Variants in NR5A1 observed in about 807,000 individuals in gnomAD.
The protein encoded by NR5A1 is nuclear receptor subfamily 5 group A member 1.
A neutral mutation model predicts 42.7 loss-of-function variants in NR5A1; 6 were observed. The ratio of observed to expected loss-of-function variants is 0.14; its 90% CI spans 0.08 to 0.28. The LOEUF is 0.28. NR5A1 is among the 10% of genes least tolerant of loss of function. NR5A1 has a pLI of 1.00. For synonymous variants in NR5A1, 274 were observed against 277.5 expected (o/e 0.99, Z 0.12); for missense variants, 442 against 626.4 (o/e 0.71, Z 3.14).
At position 124,482,937 on chromosome 9, in the gene NR5A1, C is replaced by G. The variant is rs150382425; in HGVS notation, c.1207G>C (p.Asp403His). The change falls in exon 7 of 7, where the codon GAC (aspartate) becomes CAC (histidine). Residue 403 changes from aspartate (D) to histidine (H), a missense_variant. Asp to His is a moderately conservative substitution (Grantham distance 81). Transcript: ENST00000373588. Reference sequence around the variant, plus strand: ...TGCGGGTAGTGGCACAGGGTGTAGTCAAGCAGGGCGGCGTTGGCCTTCTCC... The same window carrying G: ...TGCGGGTAGTGGCACAGGGTGTAGTGAAGCAGGGCGGCGTTGGCCTTCTCC... ...AQEKANAALL[D>H]YTLCHYPHCG... The G allele has an allele frequency of 3.1e-6, 5 of 1,614,072 alleles. No individual in the cohort carries two copies. The highest frequency in any genetic ancestry group is 4.2e-6 in the Non-Finnish European group (5 of 1,180,014).
chr9:124,496,253 C>T lies in NR5A1; in HGVS notation c.871-3104G>A, dbSNP rs1401940951. ...AAAACCACAGGGCCATAGCTGCCAG[C>T]CCCCCTGCATGAGAAAGCAGGTGGC... On this transcript the variant is annotated intron_variant, in intron 4 of 6. Coordinates refer to ENST00000373588, the MANE Select transcript of NR5A1 (RefSeq NM_004959.5). The surrounding 1 kb of genome is among the most constrained non-coding windows in gnomAD (Gnocchi z 5.0). Among the ~76,000 whole-genome samples the T allele has an allele frequency of 2.0e-5, 3 of 151,098 alleles. No individual in the cohort carries two copies. The East Asian group carries it at 5.8e-4, about 29-fold the overall frequency.
chr9:124,495,897 G>A (rs1448908007), intron 4 of NR5A1, among the ~76,000 whole-genome samples: 1 of 152,174 alleles, frequency 6.6e-6, no homozygotes, highest in Non-Finnish European at 1.5e-5. Context: ...TTGGTGCCCC[G>A]TGCCCTGCAT....
chr9:124,506,219 T>A (rs975726685), intron 1 of NR5A1, among the ~76,000 whole-genome samples: 5 of 152,210 alleles, frequency 3.3e-5, no homozygotes, highest in Admixed American at 2.0e-4. Flanking sequence ...CTCGGGCAAG[T>A]CACTTCTCCT....
rs1195900737 is a variant in NR5A1, at chr9:124,500,815, C to T, written c.245-100G>A. The T allele has an allele frequency of 2.0e-4, 315 of 1,568,102 alleles. 1 individual carries two copies. The highest frequency in any genetic ancestry group is 7.9e-5 in the Non-Finnish European group (90 of 1,141,780). On this transcript the variant is annotated intron_variant, in intron 3 of 6. Transcript: ENST00000373588. This position sits in a 1 kb window ranked among gnomAD's most constrained non-coding sequence, Gnocchi z 6.9. ...CAAACAAATCTGACCGCTCTCTCCC[C>T]TGCTCAACACCCTTTCATGGCTCCC...
At chr9:124,490,648 G>C (rs1029139154) in intron 6 of NR5A1, among the ~76,000 whole-genome samples, 2 of 152,142 alleles carry the variant, frequency 1.3e-5, no homozygotes, top group African/African-American at 4.8e-5. Flanking sequence ...GGCTGGGCTT[G>C]GGGGGTTTTT....
chr9:124,500,000 G>T (rs944145948), intron 4 of NR5A1, 90 bp downstream of exon 4: 1 of 1,593,310 alleles, frequency 6.3e-7, no homozygotes, highest in East Asian at 2.2e-5. Context: ...CAGTGGGAAG[G>T]ATGGCCCTAT....
chr9:124,504,607 G>T (rs1042449059), intron 1 of NR5A1, among the ~76,000 whole-genome samples: 1 of 151,868 alleles, frequency 6.6e-6, no homozygotes, highest in Non-Finnish European at 1.5e-5. Flanking sequence ...AAGTCCGGAG[G>T]AGGGAAGCGC....
chr9:124,485,332 G>A (rs1019560924), intron 6 of NR5A1, among the ~76,000 whole-genome samples: 1 of 152,066 alleles, frequency 6.6e-6, no homozygotes, highest in South Asian at 2.1e-4. Flanking sequence ...CTGCGGGGGC[G>A]TCCAGAGGCA....
At chr9:124,505,823 G>T (rs1416326702) in intron 1 of NR5A1, among the ~76,000 whole-genome samples, 1 of 152,208 alleles carries the variant, frequency 6.6e-6, no homozygotes, top group Non-Finnish European at 1.5e-5. Flanking sequence ...GGACAAAGGG[G>T]TTCCCGGGCC....
At chr9:124,491,036 C>CCCCCCCAGGGGGGGG in intron 6 of NR5A1, 45 bp downstream of exon 6, 16 of 1,401,580 alleles carry the variant, frequency 1.1e-5, no homozygotes, top group East Asian at 6.0e-5. Flanking sequence ...CCCACCCACC[C>CCCCCCCAGGGGGGGG]GCCTCTGGCT....
chr9:124,491,348 C>G (rs1002192222), intron 5 of NR5A1, 120 bp from the exon 6 acceptor site: 2 of 770,016 alleles, frequency 2.6e-6, no homozygotes, highest in Non-Finnish European at 4.1e-6. Context: ...GATGGGCTGG[C>G]GTCAGGAGGG....
intron 5 of NR5A1, 22 bp from the exon 6 acceptor site, chr9:124,491,250 CG>C: frequency 6.3e-7 from 1 of 1,580,148 alleles, no homozygotes. Context: ...GGGCACGGGG[CG>C]GGGGACAGTC....
At position 124,482,444 on chromosome 9, in the gene NR5A1, G is replaced by T. The variant is rs903016039; in HGVS notation, c.*314C>A. On this transcript the variant is annotated 3_prime_UTR_variant, in exon 7 of 7. Coordinates refer to ENST00000373588, the MANE Select transcript of NR5A1 (RefSeq NM_004959.5). Reference sequence around the variant, plus strand: ...CCGAACCTCCTCCCCGGACCTGCAGGCTTCAGACTCCAGGAGAGAGAGCTG... The same window carrying T: ...CCGAACCTCCTCCCCGGACCTGCAGTCTTCAGACTCCAGGAGAGAGAGCTG... 2.6e-5 allele frequency: 11 copies of T among 420,170 alleles called. No individual in the cohort carries two copies. The highest frequency in any genetic ancestry group is 6.1e-5 in the African/African-American group (3 of 49,168). The allele number at this position is 420,170 out of a possible 1,614,324, so 26.0% of individuals were successfully genotyped here. A position where few individuals can be genotyped will look rare whatever the true frequency, so the allele number is the denominator to read the frequency against.
intron 4 of NR5A1, among the ~76,000 whole-genome samples, chr9:124,499,765 C>CT (rs1832437895): frequency 6.6e-6 from 1 of 152,252 alleles, no homozygotes; most frequent in East Asian, 1.9e-4. Flanking sequence ...ACCCCAGAGG[C>CT]TGAAGGGGTT....
At chr9:124,485,044 C>T (rs1054625809) in intron 6 of NR5A1, among the ~76,000 whole-genome samples, 6 of 152,152 alleles carry the variant, frequency 3.9e-5, no homozygotes, top group African/African-American at 1.2e-4. Context: ...CTACCTGCCC[C>T]GCCCCGACTT....
chr9:124,489,804 C>T (rs1299722266), intron 6 of NR5A1, among the ~76,000 whole-genome samples: 1 of 147,764 alleles, frequency 6.8e-6, no homozygotes, highest in Admixed American at 6.8e-5. Flanking sequence ...CGGCTGGTGT[C>T]CTGAGAGGTG....
chr9:124,500,678 C>T lies in NR5A1; in HGVS notation c.282G>A (p.Lys94=). Residue 94 remains lysine, a synonymous_variant, in exon 4 of 7, where the codon AAG becomes AAA. Coordinates refer to ENST00000373588, the MANE Select transcript of NR5A1 (RefSeq NM_004959.5). The surrounding 1 kb of genome is among the most constrained non-coding windows in gnomAD (Gnocchi z 6.9). ...GGTCCCGCTTGTACATCGGCCCAAA[C>T]TTGTTCCGGCCACCCCTCATACGGT... ...RADRMRGGRN[K]FGPMYKRDRA... The T allele has an allele frequency of 6.2e-7, 1 of 1,613,316 alleles. No homozygotes were observed. Among genetic ancestry groups the T allele is most frequent in the Non-Finnish European group, 8.5e-7 (1 of 1,180,032 alleles).
intron 6 of NR5A1, 147 bp from the exon 7 acceptor site, chr9:124,483,152 T>A: frequency 1.3e-6 from 2 of 1,559,996 alleles, no homozygotes; most frequent in South Asian, 2.2e-5. Flanking sequence ...CAACATGGTC[T>A]CCCCGTTGGC....
At chr9:124,493,651 C>G (rs1225643065) in intron 4 of NR5A1, among the ~76,000 whole-genome samples, 1 of 152,230 alleles carries the variant, frequency 6.6e-6, no homozygotes, top group African/African-American at 2.4e-5. Context: ...AGGGAGAAAC[C>G]AAGGGCTTCC....
Sources: allele counts gnomAD v4.1 joint callset (sites outside exome capture counted in the v4.1 genomes callset), GRCh38; gene constraint gnomAD v4.1.1; non-coding constraint Gnocchi (gnomAD v3.1); transcripts MANE v1.5; gene names NCBI Gene and HGNC (gene_info 2026-07-23, HGNC 2026-07-21).